Variants in MAN2B2 observed in about 807,000 individuals in gnomAD.
The protein encoded by MAN2B2 is mannosidase alpha class 2B member 2.
Under a neutral mutation model 117.1 loss-of-function variants are expected in MAN2B2, and 106 were observed. The ratio of observed to expected loss-of-function variants is 0.90; its 90% CI spans 0.77 to 1.06. The LOEUF (loss-of-function observed/expected upper bound fraction) is 1.06. Among genes scored for constraint, MAN2B2 ranks in the 50% least tolerant of loss-of-function variants. MAN2B2 has a pLI of 0.00. For missense variants in MAN2B2, 1,326 were observed against 1,381.4 expected, an observed-to-expected ratio of 0.96 and a Z score of 0.64; for synonymous variants, 544 against 595.1, an observed-to-expected ratio of 0.91 and a Z score of 1.25.
chr4:6,575,208 G>C lies in MAN2B2; in HGVS notation c.-3G>C. 1 of 1,454,980 alleles carries C rather than the reference G, an allele frequency of 6.9e-7. No individual in the cohort carries two copies. The highest frequency in any genetic ancestry group is 9.3e-7 in the Non-Finnish European group (1 of 1,077,472). The allele number at this position is 1,454,980 out of a possible 1,614,324, so 90.1% of individuals were successfully genotyped here. On this transcript the variant is annotated 5_prime_UTR_variant, in exon 1 of 19. Transcript: ENST00000285599. ...CCTGGCACCTTCCCGGCCTGCCGCA[G>C]GGATGGGGCAGCTGTGCTGGCTGCC...
At chr4:6,576,502 C>T in intron 1 of MAN2B2, 76 bp from the exon 2 acceptor site, 3 of 1,559,540 alleles carry the variant, frequency 1.9e-6, no homozygotes, top group Non-Finnish European at 1.8e-6. Flanking sequence ...TGCAGACACA[C>T]CTGGCGAATG....
intron 6 of MAN2B2, among the ~76,000 whole-genome samples, chr4:6,593,652 G>A (rs961302885): frequency 3.3e-5 from 5 of 152,218 alleles, no homozygotes; most frequent in Admixed American, 1.3e-4. Context: ...TTGAGCTTCA[G>A]TTGCCTCCGC....
At chr4:6,576,821 G>A in intron 2 of MAN2B2, 97 bp downstream of exon 2, 1 of 1,487,932 alleles carries the variant, frequency 6.7e-7, no homozygotes, top group Admixed American at 1.8e-5. Flanking sequence ...CCAGGGCCAG[G>A]CTGGCATAAA....
At position 6,614,901 on chromosome 4, in the gene MAN2B2, A is replaced by G. The variant is rs527642999; in HGVS notation, c.2701+546A>G. 7.2e-5 allele frequency among the ~76,000 whole-genome samples: 11 copies of G among 152,356 alleles called. No individual in the cohort carries two copies. In the South Asian group the frequency reaches 1.9e-3, roughly 26 times the overall value. ...AAGTCACCAGGCAGTAATGACAAGG[A>G]CAAGAGGAATCCCCCTGCACAGCAT... On this transcript the variant is annotated intron_variant, in intron 16 of 18. Coordinates refer to ENST00000285599, the MANE Select transcript of MAN2B2 (RefSeq NM_015274.3).
At chr4:6,605,910 CCCAT>C (rs537295647) in intron 11 of MAN2B2, among the ~76,000 whole-genome samples, 266 of 121,728 alleles carry the variant, frequency 2.2e-3, no homozygotes, top group African/African-American at 7.0e-3. Context: ...CACCCAACCA[CCCAT>C]TCATTCATTC....
chr4:6,610,561 G>A (rs981362827), intron 13 of MAN2B2, among the ~76,000 whole-genome samples: 7 of 152,264 alleles, frequency 4.6e-5, no homozygotes, highest in Non-Finnish European at 7.3e-5. Context: ...CCACAGACAA[G>A]AATAGTATGT....
At chr4:6,601,953 G>A (rs1727350048) in intron 10 of MAN2B2, among the ~76,000 whole-genome samples, 1 of 152,222 alleles carries the variant, frequency 6.6e-6, no homozygotes, top group African/African-American at 2.4e-5. Context: ...CACAGCCGTT[G>A]AGGGGAGTTG....
chr4:6,619,843 G>A, intron 17 of MAN2B2, 84 bp from the exon 18 acceptor site: 1 of 1,243,566 alleles, frequency 8.0e-7, no homozygotes, highest in Non-Finnish European at 1.2e-6. Context: ...AGTTCGTGGT[G>A]TGTCTGCCCT....
chr4:6,591,408 G>A (rs1357464749), intron 5 of MAN2B2, among the ~76,000 whole-genome samples: 1 of 152,246 alleles, frequency 6.6e-6, no homozygotes, highest in East Asian at 1.9e-4. Context: ...AAGGCCCCGT[G>A]GGAGTGCACT....
In MAN2B2 at chr4:6,621,400, T is replaced by A. The variant is rs1712167058; in HGVS notation, c.*115T>A. 1 of 750,272 alleles carries A rather than the reference T, an allele frequency of 1.3e-6. No homozygotes were observed. Among genetic ancestry groups the A allele is most frequent in the Non-Finnish European group, 2.1e-6 (1 of 477,350 alleles). The allele number at this position is 750,272 out of a possible 1,614,324, so 46.5% of individuals were successfully genotyped here. On this transcript the variant is annotated 3_prime_UTR_variant, in exon 19 of 19. Transcript: ENST00000285599. ...ATGGGACTGGGGAGTCAGCTGCTCA[T>A]CTGCAGGCTAATGGCAGGAAATGGT...
chr4:6,583,820 TC>T (rs973087865), intron 3 of MAN2B2, among the ~76,000 whole-genome samples: 8 of 152,226 alleles, frequency 5.3e-5, no homozygotes, highest in African/African-American at 1.9e-4. Flanking sequence ...TGGTCCCCTT[TC>T]CCATGATTCT....
Position 6,598,460 on chromosome 4 carries a change from C to T in MAN2B2, c.1405+106C>T, listed in dbSNP as rs568108889. ...CCAGCTTCAGACTCTGAGTCCACAT[C>T]ACCCATATCGCCCTTCCCCATGGTG... On this transcript the variant is annotated intron_variant, in intron 9 of 18. Transcript: ENST00000285599. The T allele has an allele frequency of 7.0e-5, 86 of 1,231,918 alleles. No homozygotes were observed. In the East Asian group the frequency reaches 2.2e-3, roughly 31 times the overall value. 76.3% of individuals were successfully genotyped at this position (1,231,918 alleles called of 1,614,324 possible).
At chr4:6,582,927 C>A (rs925434866) in intron 3 of MAN2B2, among the ~76,000 whole-genome samples, 1 of 152,110 alleles carries the variant, frequency 6.6e-6, no homozygotes, top group African/African-American at 2.4e-5. Flanking sequence ...GGTTCAGCAG[C>A]TTGAACAGAG....
At chr4:6,601,184 A>T (rs1727315136) in intron 10 of MAN2B2, among the ~76,000 whole-genome samples, 1 of 152,200 alleles carries the variant, frequency 6.6e-6, no homozygotes, top group Admixed American at 6.5e-5. Context: ...GGCAAGTGCC[A>T]TACTTACCAT....
chr4:6,588,673 A>T (rs1726738568), intron 4 of MAN2B2, among the ~76,000 whole-genome samples: 1 of 152,162 alleles, frequency 6.6e-6, no homozygotes. Flanking sequence ...TGAGATCGTG[A>T]CACTGCACTC....
Position 6,593,310 on chromosome 4 carries a change from G to C in MAN2B2, c.818G>C (p.Arg273Thr), listed in dbSNP as rs1378137089. Reference sequence around the variant, plus strand: ...GCCCTGGTGGCCAACGTGAAGCAGAGGGCCGCCTGGTTCCGGACACCGCAC... The same window carrying C: ...GCCCTGGTGGCCAACGTGAAGCAGACGGCCGCCTGGTTCCGGACACCGCAC... ...AEALVANVKQ[R>T]AAWFRTPHVL... The change falls in exon 6 of 19, where the codon AGG becomes ACG. Residue 273 changes from arginine (R) to threonine (T), a missense_variant. Transcript: ENST00000285599. 6.2e-7 allele frequency: 1 copy of C among 1,613,692 alleles called. No individual in the cohort carries two copies. Among genetic ancestry groups the C allele is most frequent in the Non-Finnish European group, 8.5e-7 (1 of 1,179,912 alleles).
At chr4:6,599,536 C>T (rs1032959169) in intron 9 of MAN2B2, among the ~76,000 whole-genome samples, 5 of 151,972 alleles carry the variant, frequency 3.3e-5, no homozygotes, top group South Asian at 2.1e-4. Flanking sequence ...TGGTGGCGGG[C>T]GCCTGTAGTC....
intron 2 of MAN2B2, among the ~76,000 whole-genome samples, chr4:6,577,125 C>T (rs140642376): frequency 2.0e-3 from 308 of 152,218 alleles, no homozygotes; most frequent in African/African-American, 7.2e-3. Flanking sequence ...GATGAGGGTG[C>T]GATAGTCCCT....
rs372713809 is a variant in MAN2B2 at position 6,594,711 on chromosome 4, G to A, written c.1036G>A (p.Asp346Asn). 3.8e-5 allele frequency: 61 copies of A among 1,611,738 alleles called. No homozygotes were observed. In the African/African-American group the frequency reaches 4.0e-4, roughly 11 times the overall value. Residue 346 changes from aspartate to asparagine, a missense_variant, in exon 7 of 19, where the codon GAC (aspartate) becomes AAC (asparagine). Physicochemically the swap from Asp to Asn is conservative, Grantham distance 23. Transcript: ENST00000285599. ...NVTWRVRDHH[D>N]FLPYSTEPFQ... Reference sequence around the variant, plus strand: ...CACCTGGCGTGTCCGCGACCACCACGACTTCCTGCCCTATTCCACAGGTAC... The same window carrying A: ...CACCTGGCGTGTCCGCGACCACCACAACTTCCTGCCCTATTCCACAGGTAC...
Sources: allele counts gnomAD v4.1 joint callset (sites outside exome capture counted in the v4.1 genomes callset), GRCh38; gene constraint gnomAD v4.1.1; transcripts MANE v1.5; gene names NCBI Gene and HGNC (gene_info 2026-07-23, HGNC 2026-07-21).